NCOA1: variants seen among roughly 807,000 people sequenced by gnomAD.
NCOA1 encodes Hin-2 protein.
A neutral mutation model predicts 150.9 loss-of-function variants in NCOA1; 35 were observed. The observed-to-expected ratio is 0.23, with a 90% CI of 0.18 to 0.31. The LOEUF is 0.31. Ranked by LOEUF, NCOA1 falls within the 10% of genes least tolerant of loss-of-function variation. The probability of loss-of-function intolerance (pLI) is 1.00; values close to 1 mark genes in which losing one functional copy is unlikely to be tolerated. For missense variants in NCOA1, 1,491 were observed against 1,749.3 expected, an observed-to-expected ratio of 0.85 and a Z score of 2.63; for synonymous variants, 590 against 630.0, an observed-to-expected ratio of 0.94 and a Z score of 0.95.
Position 24,749,126 on chromosome 2 carries a change from G to A in NCOA1, c.3707-2856G>A, listed in dbSNP as rs140682664. On this transcript the variant is annotated intron_variant, in intron 19 of 22. Coordinates refer to ENST00000348332, the MANE Select transcript of NCOA1 (RefSeq NM_003743.5). ...AAATTCTAATGGATATCTACTTTGG[G>A]CCAGTAGAGTAAGAGGGACCAGAGT... 7.5e-3 allele frequency among the ~76,000 whole-genome samples: 1,136 copies of A among 152,272 alleles called. 13 individuals carry two copies. Among genetic ancestry groups the A allele is most frequent in the African/African-American group, 0.026 (1,063 of 41,554 alleles).
chr2:24,756,761 T>G (rs1664521675), intron 20 of NCOA1, among the ~76,000 whole-genome samples: 1 of 152,112 alleles, frequency 6.6e-6, no homozygotes, highest in Non-Finnish European at 1.5e-5. Context: ...TCAATGAAAA[T>G]TTTCAGGGTT....
chr2:24,729,003 G>A (rs370671032), intron 16 of NCOA1, among the ~76,000 whole-genome samples: 67 of 152,306 alleles, frequency 4.4e-4, no homozygotes, highest in African/African-American at 1.5e-3. Flanking sequence ...ACGCGCACGC[G>A]CGCAATTAGG....
At chr2:24,664,110 C>T (rs923697176) in intron 5 of NCOA1, among the ~76,000 whole-genome samples, 1 of 152,096 alleles carries the variant, frequency 6.6e-6, no homozygotes, top group African/African-American at 2.4e-5. Flanking sequence ...TCCCTAAAAC[C>T]TTGTATGTAT....
chr2:24,533,871 C>G (rs542401089), intron 1 of NCOA1, among the ~76,000 whole-genome samples: 1 of 152,110 alleles, frequency 6.6e-6, no homozygotes, highest in Non-Finnish European at 1.5e-5. Flanking sequence ...ATTTTCACAT[C>G]GTTGTTCATC....
intron 4 of NCOA1, among the ~76,000 whole-genome samples, chr2:24,657,480 T>C (rs1288038960): frequency 6.6e-6 from 1 of 152,326 alleles, no homozygotes; most frequent in East Asian, 1.9e-4. Flanking sequence ...GAAATTTTCA[T>C]AAATAGCACT....
At chr2:24,618,061 A>T (rs7601177) in intron 3 of NCOA1, among the ~76,000 whole-genome samples, 73,847 of 151,770 alleles carry the variant, frequency 0.49, 19,314 homozygotes, top group Admixed American at 0.65. Flanking sequence ...GCATATGCAG[A>T]TATTCACTTT....
intron 4 of NCOA1, among the ~76,000 whole-genome samples, chr2:24,656,006 T>C (rs978032299): frequency 3.4e-5 from 5 of 145,090 alleles, no homozygotes; most frequent in African/African-American, 5.2e-5. Context: ...GAGAATGGCG[T>C]GAACCCGGGA....
chr2:24,544,909 A>G (rs901736421), intron 1 of NCOA1, among the ~76,000 whole-genome samples: 2 of 152,220 alleles, frequency 1.3e-5, no homozygotes, highest in African/African-American at 4.8e-5. Flanking sequence ...TCATTTTTGG[A>G]GAGTGAGGTA....
chr2:24,496,066 G>C (rs1271049530), intron 1 of NCOA1, among the ~76,000 whole-genome samples: 1 of 152,206 alleles, frequency 6.6e-6, no homozygotes, highest in Middle Eastern at 3.4e-3. Context: ...GACTCTGTGG[G>C]CCTGAGTTTC....
At chr2:24,639,060 CT>C (rs1670064566) in intron 3 of NCOA1, among the ~76,000 whole-genome samples, 1 of 151,872 alleles carries the variant, frequency 6.6e-6, no homozygotes, top group African/African-American at 2.4e-5. Context: ...CCGTTAATAT[CT>C]TTTCCAGGTT....
At chr2:24,537,010 C>T (rs1253456050) in intron 1 of NCOA1, among the ~76,000 whole-genome samples, 3 of 151,960 alleles carry the variant, frequency 2.0e-5, no homozygotes, top group Admixed American at 6.6e-5. Context: ...AAAAAAACTA[C>T]ATATTGGGTA....
chr2:24,726,795 G>T, intron 15 of NCOA1, 89 bp downstream of exon 15: 3 of 607,452 alleles, frequency 4.9e-6, no homozygotes, highest in Non-Finnish European at 5.3e-6. Context: ...TCAGTCTACA[G>T]TGGTATTTTG....
At chr2:24,720,647 C>T (rs1357402048) in intron 14 of NCOA1, among the ~76,000 whole-genome samples, 1 of 150,952 alleles carries the variant, frequency 6.6e-6, no homozygotes, top group Non-Finnish European at 1.5e-5. Context: ...AATTCAGAGA[C>T]CATAAGGCTA....
chr2:24,502,280 G>A lies in NCOA1; in HGVS notation c.-396+10678G>A, dbSNP rs534709841. On this transcript the variant is annotated intron_variant, in intron 1 of 22. Transcript: ENST00000348332. Reference sequence around the variant, plus strand: ...TTAGCATCTGAATTTCAGCTTTCTAGAATCCTTAGAGTCTGATTTGACATA... The same window carrying A: ...TTAGCATCTGAATTTCAGCTTTCTAAAATCCTTAGAGTCTGATTTGACATA... Among the ~76,000 whole-genome samples the A allele has an allele frequency of 6.9e-4, 105 of 152,270 alleles. 1 individual carries two copies. The highest frequency in any genetic ancestry group is 1.2e-3 in the Non-Finnish European group (81 of 68,022).
intron 1 of NCOA1, among the ~76,000 whole-genome samples, chr2:24,524,956 G>C (rs74260970): frequency 0.036 from 5,455 of 152,228 alleles, 125 homozygotes; most frequent in East Asian, 0.11. Context: ...TAATTAGAAG[G>C]GAGAAATGTA....
intron 1 of NCOA1, among the ~76,000 whole-genome samples, chr2:24,559,225 GGTT>G (rs1182413733): frequency 2.0e-5 from 3 of 152,160 alleles, no homozygotes; most frequent in African/African-American, 7.2e-5. Context: ...GCCTCTGTCA[GGTT>G]GTTTGTGTTG....
At chr2:24,667,207 C>T (rs903876011) in intron 6 of NCOA1, among the ~76,000 whole-genome samples, 1 of 152,138 alleles carries the variant, frequency 6.6e-6, no homozygotes, top group South Asian at 2.1e-4. Flanking sequence ...TGTAAAACTG[C>T]AGAGAGGAGC....
rs1232655694 is a variant in NCOA1 at position 24,673,351 on chromosome 2, G to A, written c.257-15G>A. On this transcript the variant is annotated splice_polypyrimidine_tract_variant and intron_variant, in intron 6 of 22. Coordinates refer to ENST00000348332, the MANE Select transcript of NCOA1 (RefSeq NM_003743.5). ...CTTTTCAGATATGTGATTTTTTTAA[G>A]TTTCTTTATTATAGAGAAATCAACA... 6.6e-7 allele frequency: 1 copy of A among 1,504,308 alleles called. No homozygotes were observed. Among genetic ancestry groups the A allele is most frequent in the East Asian group, 2.4e-5 (1 of 41,238 alleles). 93.2% of individuals were successfully genotyped at this position (1,504,308 alleles called of 1,614,324 possible).
At chr2:24,622,904 CATTGGTACTTCTCTAAGG>C (rs1259552457) in intron 3 of NCOA1, among the ~76,000 whole-genome samples, 3 of 152,070 alleles carry the variant, frequency 2.0e-5, no homozygotes, top group Non-Finnish European at 2.9e-5. Flanking sequence ...TGTAGAAGAA[CATTGGTACTTCTCTAAGG>C]AAAGAGAGTA....
Sources: gnomAD v4.1 joint callset for allele counts (sites outside exome capture counted in the v4.1 genomes callset) on GRCh38, gnomAD v4.1.1 for gene constraint, MANE v1.5 for transcripts, NCBI Gene and HGNC (gene_info 2026-07-23, HGNC 2026-07-21) for gene names.